The following ZNF318 variants were observed in gnomAD, a reference collection of about 807,000 sequenced individuals.
The protein encoded by ZNF318 is zinc finger protein 318, also known as endocrine regulator.
In ZNF318, 51 loss-of-function variants were observed where a neutral mutation model predicts 124.2. That is an observed-to-expected ratio of 0.41 (90% CI 0.33 to 0.52). The LOEUF is 0.52. ZNF318 is among the 20% of genes least tolerant of loss of function. The pLI, the probability that ZNF318 is intolerant of heterozygous loss-of-function variation, is 0.23. For missense variants in ZNF318, 2,815 were observed against 2,811.2 expected, an observed-to-expected ratio of 1.00 and a Z score of -0.03; for synonymous variants, 1,090 against 1,040.7, an observed-to-expected ratio of 1.05 and a Z score of -0.91.
chr6:43,348,657 C>A, intron 5 of ZNF318, 32 bp from the exon 6 acceptor site: 1 of 1,601,300 alleles, frequency 6.2e-7, no homozygotes. Flanking sequence ...AAAAGAAGCA[C>A]AGGGAAAATA....
Position 43,340,496 on chromosome 6 carries a change from C to T in ZNF318, c.3502G>A (p.Val1168Met). 1 of 1,577,492 alleles carries T rather than the reference C, an allele frequency of 6.3e-7. No individual in the cohort carries two copies. The highest frequency in any genetic ancestry group is 8.6e-7 in the Non-Finnish European group (1 of 1,167,310). Residue 1168 changes from valine (V) to methionine (M), a missense_variant, in exon 10 of 10, where the codon GTG becomes ATG. By Grantham distance (21) the Val-to-Met change is conservative. Transcript: ENST00000361428. ...TCCTCATATAATGGGTTTTCATCCA[C>T]ATATTTCTGGGAAGAAAAAAGATAA... ...HQHNEKYKKY[V>M]DENPLYEERR...
In ZNF318 at chr6:43,338,374, C is replaced by G; in HGVS notation, c.5624G>C (p.Arg1875Thr). The G allele has an allele frequency of 6.2e-7, 1 of 1,614,172 alleles. No homozygotes were observed. Among genetic ancestry groups the G allele is most frequent in the South Asian group, 1.1e-5 (1 of 91,078 alleles). ...AKLDSFLSEA[R>T]SLLNPQDTPV... ...TGTATCTTGTGGGTTGAGTAAAGACCTAGCTTCTGATAAAAATGAGTCTAA... is the reference window on the plus strand; with the variant it reads ...TGTATCTTGTGGGTTGAGTAAAGACGTAGCTTCTGATAAAAATGAGTCTAA... The change falls in exon 10 of 10, where the codon AGG becomes ACG. Residue 1875 changes from arginine (R) to threonine (T), a missense_variant. Coordinates refer to ENST00000361428, the MANE Select transcript of ZNF318 (RefSeq NM_014345.3).
Position 43,339,606 on chromosome 6 carries a change from C to T in ZNF318, c.4392G>A (p.Pro1464=), listed in dbSNP as rs537066765. The T allele has an allele frequency of 3.5e-5, 46 of 1,319,362 alleles. No homozygotes were observed. The highest frequency in any genetic ancestry group is 7.4e-5 in the African/African-American group (4 of 53,956). 81.7% of individuals were successfully genotyped at this position (1,319,362 alleles called of 1,614,324 possible). A position where few individuals can be genotyped will look rare whatever the true frequency, so the allele number is the denominator to read the frequency against. ...PPPVIPHPAA[P]SAAQANAILA... ...AGATAGCATTTGCTTGAGCAGCAGA[C>T]GGGGCAGCTGGATGAGGTATAACGG... The change falls in exon 10 of 10, where the codon CCG becomes CCA. Residue 1464 remains proline (P), a synonymous_variant. Transcript: ENST00000361428. The surrounding 1 kb of genome is among the most constrained non-coding windows in gnomAD (Gnocchi z 4.2).
Position 43,354,626 on chromosome 6 carries a change from GAA to G in ZNF318, c.2670+36_2670+37del, listed in dbSNP as rs1464474372. 2.0e-6 allele frequency: 3 copies of G among 1,532,782 alleles called. No individual in the cohort carries two copies. The African/African-American group carries it at 4.2e-5, about 21-fold the overall frequency. 94.9% of individuals were successfully genotyped at this position (1,532,782 alleles called of 1,614,324 possible). On this transcript the variant is annotated intron_variant, in intron 4 of 9. Transcript: ENST00000361428. The stretch of plus-strand genomic sequence containing the variant: ...ACATATACAAATTTATGGCAAAACA[GAA>G]AACTCAGGCACAGGATACCCAAAGC...
Position 43,339,231 on chromosome 6 carries a change from A to G in ZNF318, c.4767T>C (p.Thr1589=), listed in dbSNP as rs1287245121. 2 of 1,610,540 alleles carry G rather than the reference A, an allele frequency of 1.2e-6. No individual in the cohort carries two copies. Among genetic ancestry groups the G allele is most frequent in the Non-Finnish European group, 1.7e-6 (2 of 1,178,118 alleles). Residue 1589 remains threonine, a synonymous_variant, in exon 10 of 10, where the codon ACT becomes ACC. Coordinates refer to ENST00000361428, the MANE Select transcript of ZNF318 (RefSeq NM_014345.3). The surrounding 1 kb of genome is among the most constrained non-coding windows in gnomAD (Gnocchi z 4.2). ...GAPETKGAPE[T]KLSGGPLANG... ...TGGCCAATGGACCACCACTTAGCTT[A>G]GTCTCAGGGGCCCCCTTAGTCTCAG...
At chr6:43,349,941 CCT>C (rs762072264) in intron 5 of ZNF318, among the ~76,000 whole-genome samples, 27 of 152,054 alleles carry the variant, frequency 1.8e-4, no homozygotes, top group Admixed American at 3.9e-4. Context: ...AGAATGAGAC[CCT>C]GTCTCTTAAA....
rs369372500 is a variant in ZNF318 at position 43,338,776 on chromosome 6, T to A, written c.5222A>T (p.Lys1741Ile). 10 of 1,614,044 alleles carry A rather than the reference T, an allele frequency of 6.2e-6. No individual in the cohort carries two copies. Among genetic ancestry groups the A allele is most frequent in the African/African-American group, 2.7e-5 (2 of 74,924 alleles). Residue 1741 changes from lysine (K) to isoleucine (I), a missense_variant, in exon 10 of 10, where the codon AAA becomes ATA. Physicochemically the swap from Lys to Ile is moderately radical, Grantham distance 102. Coordinates refer to ENST00000361428, the MANE Select transcript of ZNF318 (RefSeq NM_014345.3). ...PPPQLLDIQC[K>I]ESQKLVEIHL... ...GATTTCTACCAACTTCTGAGATTCT[T>A]TGCACTGTATATCTAACAGTTGAGG...
intron 6 of ZNF318, among the ~76,000 whole-genome samples, chr6:43,347,656 G>A (rs1779464925): frequency 6.6e-6 from 1 of 152,144 alleles, no homozygotes; most frequent in Non-Finnish European, 1.5e-5. Flanking sequence ...AGTGGAAATG[G>A]TGAGTTACGT....
Position 43,340,798 on chromosome 6 carries a change from T to C in ZNF318, c.3487A>G (p.Lys1163Glu). ...CTACTACAAAGACCAACCTTGTATT[T>C]CTCATTGTGTTGGTGACCCTTCACA... ...QHVKGHQHNEKYKKYVDENPL... is the reference protein window; with the variant it reads ...QHVKGHQHNEEYKKYVDENPL... The change falls in exon 9 of 10, where the codon AAA (lysine) becomes GAA (glutamate). Residue 1163 changes from lysine (K) to glutamate (E), a missense_variant. Transcript: ENST00000361428. 1 of 1,612,736 alleles carries C rather than the reference T, an allele frequency of 6.2e-7. No individual in the cohort carries two copies. The highest frequency in any genetic ancestry group is 2.2e-5 in the East Asian group (1 of 44,880).
chr6:43,345,990 G>T (rs576624504), intron 6 of ZNF318, among the ~76,000 whole-genome samples: 15 of 151,898 alleles, frequency 9.9e-5, no homozygotes, highest in African/African-American at 3.6e-4. Context: ...ATTACCTGAG[G>T]TCAGGAGTTC....
rs755721408 is a variant in ZNF318 at position 43,354,961 on chromosome 6, A to G, written c.2373T>C (p.Tyr791=). 2.7e-5 allele frequency: 43 copies of G among 1,609,956 alleles called. No individual in the cohort carries two copies. Among genetic ancestry groups the G allele is most frequent in the Middle Eastern group, 1.7e-4 (1 of 6,056 alleles). The part of the protein sequence containing the change: ...PAIPPASFDA[Y]RHYMAYAASR... ...AGGCTGCATATGCCATGTAGTGCCT[A>G]TAGGCATCAAAAGAGGCAGGGGGAA... The change falls in exon 4 of 10, where the codon TAT becomes TAC. Residue 791 remains tyrosine (Y), a synonymous_variant. Transcript: ENST00000361428.
At chr6:43,342,561 G>A (rs1179846990) in intron 7 of ZNF318, 115 bp downstream of exon 7, 1 of 1,130,600 alleles carries the variant, frequency 8.8e-7, no homozygotes, top group Non-Finnish European at 1.3e-6. Flanking sequence ...CTTCAGACTG[G>A]GGCTCCTGCC....
chr6:43,343,777 T>C (rs894403272), intron 6 of ZNF318, among the ~76,000 whole-genome samples: 7 of 130,112 alleles, frequency 5.4e-5, no homozygotes, highest in African/African-American at 2.0e-4. Context: ...TGCAGTAAGA[T>C]AAGATTGTGC....
chr6:43,347,584 T>C (rs528674928), intron 6 of ZNF318, among the ~76,000 whole-genome samples: 1 of 151,640 alleles, frequency 6.6e-6, no homozygotes, highest in African/African-American at 2.4e-5. Flanking sequence ...TGGAAGGAGG[T>C]TGAGCACAAC....
rs1779332037 is a variant in ZNF318 at position 43,339,024 on chromosome 6, A to G, written c.4974T>C (p.Val1658=). 4 of 1,614,192 alleles carry G rather than the reference A, an allele frequency of 2.5e-6. No individual in the cohort carries two copies. Among genetic ancestry groups the G allele is most frequent in the Non-Finnish European group, 3.4e-6 (4 of 1,180,032 alleles). ...KTLVALGKWS[V]VEHVGPKSTG... is the part of the protein sequence containing the mutation. ...TGCTTTTTGGGCCTACATGTTCTAC[A>G]ACTGACCATTTCCCTAGGGCCACCA... Residue 1658 remains valine, a synonymous_variant, in exon 10 of 10, where the codon GTT becomes GTC. Transcript: ENST00000361428. The surrounding 1 kb of genome is among the most constrained non-coding windows in gnomAD (Gnocchi z 4.2).
intron 5 of ZNF318, 85 bp downstream of exon 5, chr6:43,352,292 G>C: frequency 2.6e-6 from 2 of 773,036 alleles, no homozygotes; most frequent in Non-Finnish European, 3.4e-6. Context: ...TGAAGTTTCA[G>C]GTTACTGAAC....
intron 9 of ZNF318, 80 bp downstream of exon 9, chr6:43,340,710 T>C (rs1779363477): frequency 6.5e-7 from 1 of 1,536,480 alleles, no homozygotes; most frequent in South Asian, 1.1e-5. Context: ...TGGCTTTTTC[T>C]GGCTCGGACG....
chr6:43,356,038 A>G lies in ZNF318; in HGVS notation c.1296T>C (p.Ile432=). The G allele has an allele frequency of 6.2e-7, 1 of 1,614,162 alleles. No homozygotes were observed. ...SGAIAAFASE[I]ENKGTMVETA... is the part of the protein sequence containing the mutation. Reference sequence around the variant, plus strand: ...TCTCTACCATAGTCCCCTTGTTTTCAATCTCTGAGGCAAAAGCAGCAATAG... The same window carrying G: ...TCTCTACCATAGTCCCCTTGTTTTCGATCTCTGAGGCAAAAGCAGCAATAG... Residue 432 remains isoleucine, a synonymous_variant, in exon 4 of 10, where the codon ATT becomes ATC. Coordinates refer to ENST00000361428, the MANE Select transcript of ZNF318 (RefSeq NM_014345.3).
At position 43,338,290 on chromosome 6, in the gene ZNF318, C is replaced by T. The variant is rs758957353; in HGVS notation, c.5708G>A (p.Cys1903Tyr). Residue 1903 changes from cysteine to tyrosine, a missense_variant, in exon 10 of 10, where the codon TGT (cysteine) becomes TAT (tyrosine). Physicochemically the swap from Cys to Tyr is radical, Grantham distance 194. Transcript: ENST00000361428. Reference protein sequence around the residue: ...LLHSPARSAMCLTGSPQEQGV... With the variant: ...LLHSPARSAMYLTGSPQEQGV... ...TTGCTCTTGTGGACTACCTGTTAAACACATAGCTGATCTGGCTGGGGAATG... is the reference window on the plus strand; with the variant it reads ...TTGCTCTTGTGGACTACCTGTTAAATACATAGCTGATCTGGCTGGGGAATG... 6.2e-6 allele frequency: 10 copies of T among 1,614,062 alleles called. No individual in the cohort carries two copies. The African/African-American group carries it at 8.0e-5, about 13-fold the overall frequency.
Sources: allele counts gnomAD v4.1 joint callset (sites outside exome capture counted in the v4.1 genomes callset), GRCh38; gene constraint gnomAD v4.1.1; non-coding constraint Gnocchi (gnomAD v3.1); transcripts MANE v1.5; gene names NCBI Gene and HGNC (gene_info 2026-07-23, HGNC 2026-07-21).